The following NRXN3 variants were observed in gnomAD, a reference collection of about 807,000 sequenced individuals.
The protein encoded by NRXN3 is neurexin 3.
A neutral mutation model predicts 137.6 loss-of-function variants in NRXN3; 32 were observed. The ratio of observed to expected loss-of-function variants is 0.23; its 90% confidence interval spans 0.18 to 0.31. The LOEUF (loss-of-function observed/expected upper bound fraction) is 0.31. Among genes scored for constraint, NRXN3 ranks in the 10% least tolerant of loss-of-function variants. NRXN3 has a pLI of 1.00. For synonymous variants in NRXN3, 798 were observed against 784.5 expected (o/e 1.02, Z -0.29); for missense variants, 1,574 against 2,062.5 (o/e 0.76, Z 4.59).
intron 19 of NRXN3, among the ~76,000 whole-genome samples, chr14:79,744,940 C>T (rs2098974754): frequency 6.6e-6 from 1 of 151,128 alleles, no homozygotes; most frequent in South Asian, 2.1e-4. Context: ...AACAGAAAAG[C>T]TTGCTAGGGC....
chr14:78,213,259 G>A (rs2062920205), intron 1 of NRXN3, among the ~76,000 whole-genome samples: 1 of 134,500 alleles, frequency 7.4e-6, no homozygotes, highest in African/African-American at 2.9e-5. Flanking sequence ...AGTCCTCTTA[G>A]GAAGACTGAT....
chr14:78,490,802 A>C (rs1223630654), intron 4 of NRXN3, among the ~76,000 whole-genome samples: 1 of 152,166 alleles, frequency 6.6e-6, no homozygotes, highest in Non-Finnish European at 1.5e-5. Context: ...CCGATTTTAC[A>C]TGCAAGAAAA....
At chr14:79,408,006 A>T (rs1477520932) in intron 15 of NRXN3, among the ~76,000 whole-genome samples, 1 of 152,170 alleles carries the variant, frequency 6.6e-6, no homozygotes, top group Non-Finnish European at 1.5e-5. Flanking sequence ...TGAACTAGGA[A>T]TATAATTCGG....
intron 10 of NRXN3, among the ~76,000 whole-genome samples, chr14:78,811,503 A>G (rs756476499): frequency 1.3e-5 from 2 of 152,228 alleles, no homozygotes; most frequent in Non-Finnish European, 2.9e-5. Context: ...AAGCTGGGAA[A>G]TGTAGTCGGC....
intron 4 of NRXN3, among the ~76,000 whole-genome samples, chr14:78,448,364 C>T (rs1404376236): frequency 2.6e-5 from 4 of 152,150 alleles, no homozygotes; most frequent in Admixed American, 2.0e-4. Flanking sequence ...AAAATACAAG[C>T]GTTGCTGGAG....
At chr14:79,342,936 A>G (rs778349120) in intron 15 of NRXN3, among the ~76,000 whole-genome samples, 13 of 152,070 alleles carry the variant, frequency 8.5e-5, no homozygotes, top group Non-Finnish European at 1.9e-4. Context: ...TGGGGATCAG[A>G]GTTTTTCAAG....
chr14:78,412,114 A>G (rs933995281), intron 4 of NRXN3, among the ~76,000 whole-genome samples: 2 of 152,212 alleles, frequency 1.3e-5, no homozygotes, highest in Non-Finnish European at 2.9e-5. Flanking sequence ...TAAGACGTTA[A>G]TGGTGCTCAC....
intron 15 of NRXN3, among the ~76,000 whole-genome samples, chr14:79,243,006 A>G (rs2074550023): frequency 6.6e-6 from 1 of 152,202 alleles, no homozygotes; most frequent in Non-Finnish European, 1.5e-5. Context: ...ATTGACATTA[A>G]TATGACACAA....
At chr14:79,030,974 C>T (rs1405136698) in intron 15 of NRXN3, among the ~76,000 whole-genome samples, 1 of 152,016 alleles carries the variant, frequency 6.6e-6, no homozygotes, top group Non-Finnish European at 1.5e-5. Context: ...TGGAGAATAG[C>T]GATATGTTGT....
At chr14:78,545,069 T>C (rs2096625193) in intron 4 of NRXN3, among the ~76,000 whole-genome samples, 1 of 152,242 alleles carries the variant, frequency 6.6e-6, no homozygotes, top group South Asian at 2.1e-4. Context: ...GATGTTGTTT[T>C]ATTGGCATTC....
At chr14:78,785,515 C>T (rs2098786445) in intron 8 of NRXN3, among the ~76,000 whole-genome samples, 1 of 152,198 alleles carries the variant, frequency 6.6e-6, no homozygotes, top group Non-Finnish European at 1.5e-5. Flanking sequence ...CCTGTAGACT[C>T]ATAAACTCAT....
intron 15 of NRXN3, among the ~76,000 whole-genome samples, chr14:79,004,619 C>T (rs2099548585): frequency 6.6e-6 from 1 of 152,126 alleles, no homozygotes; most frequent in South Asian, 2.1e-4. Context: ...AAGTAATTAC[C>T]AACAGTGGGG....
chr14:78,338,371 C>A (rs77958024), intron 4 of NRXN3, among the ~76,000 whole-genome samples: 1 of 152,308 alleles, frequency 6.6e-6, no homozygotes, highest in African/African-American at 2.4e-5. Flanking sequence ...TGAAGAAATT[C>A]CTATTGAACA....
intron 15 of NRXN3, among the ~76,000 whole-genome samples, chr14:79,137,172 T>C (rs896803861): frequency 6.6e-6 from 1 of 152,196 alleles, no homozygotes; most frequent in African/African-American, 2.4e-5. Context: ...TTGCAGGCAT[T>C]TGCTGCTGTC....
chr14:78,987,176 TG>T (rs1454093768), intron 14 of NRXN3, among the ~76,000 whole-genome samples: 1 of 152,142 alleles, frequency 6.6e-6, no homozygotes, highest in African/African-American at 2.4e-5. Flanking sequence ...TCTAATTCAA[TG>T]GGTCTGGGGT....
At chr14:78,325,610 C>T (rs2153563685) in intron 4 of NRXN3, among the ~76,000 whole-genome samples, 1 of 151,978 alleles carries the variant, frequency 6.6e-6, no homozygotes, top group African/African-American at 2.4e-5. Context: ...ATGGAATGGC[C>T]TTTCTCATTC....
At chr14:79,636,384 T>C (rs946233980) in intron 16 of NRXN3, among the ~76,000 whole-genome samples, 8 of 152,038 alleles carry the variant, frequency 5.3e-5, no homozygotes, top group African/African-American at 1.9e-4. Context: ...AGACTGTGAG[T>C]TCTTTTGTTT....
intron 15 of NRXN3, among the ~76,000 whole-genome samples, chr14:79,272,278 T>C (rs1461514344): frequency 6.6e-6 from 1 of 150,874 alleles, no homozygotes; most frequent in Non-Finnish European, 1.5e-5. Flanking sequence ...CTCTTCTTCA[T>C]TATTTGACCT....
At chr14:78,205,270 C>T (rs1254614863) in intron 1 of NRXN3, among the ~76,000 whole-genome samples, 3 of 152,226 alleles carry the variant, frequency 2.0e-5, no homozygotes, top group Non-Finnish European at 1.5e-5. Flanking sequence ...TGTGCCAATC[C>T]CTTTACCTAC....
Sources: allele counts gnomAD v4.1 joint callset (sites outside exome capture counted in the v4.1 genomes callset), GRCh38; gene constraint gnomAD v4.1.1; transcripts MANE v1.5; gene names NCBI Gene and HGNC (gene_info 2026-07-23, HGNC 2026-07-21).